Variants in DCAF1 observed in about 807,000 individuals in gnomAD.
The protein encoded by DCAF1 is DDB1 and CUL4 associated factor 1, also known as DDB1- and CUL4-associated factor 1.
Under a neutral mutation model 128.0 loss-of-function variants are expected in DCAF1, and 15 were observed. That is an observed-to-expected ratio of 0.12 (90% CI 0.08 to 0.18). The LOEUF (loss-of-function observed/expected upper bound fraction) is 0.18. DCAF1 is among the 10% of genes least tolerant of loss of function. DCAF1 has a pLI of 1.00. For missense variants in DCAF1, 988 were observed against 1,649.5 expected, an observed-to-expected ratio of 0.60 and a Z score of 6.95; for synonymous variants, 610 against 603.0, an observed-to-expected ratio of 1.01 and a Z score of -0.17.
chr3:51,421,711 A>G (rs1194731016), intron 14 of DCAF1, among the ~76,000 whole-genome samples: 1 of 152,150 alleles, frequency 6.6e-6, no homozygotes, highest in Non-Finnish European at 1.5e-5. Flanking sequence ...ATCTTGTCCC[A>G]TCACACGACT....
chr3:51,421,609 C>G (rs1553632498), intron 14 of DCAF1, among the ~76,000 whole-genome samples: 1 of 152,038 alleles, frequency 6.6e-6, no homozygotes, highest in Non-Finnish European at 1.5e-5. Flanking sequence ...GGAGAAAGCC[C>G]TCGGTTGGGC....
chr3:51,398,766 T>C lies in DCAF1; in HGVS notation c.*3A>G, dbSNP rs1216331255. The C allele has an allele frequency of 6.3e-7, 1 of 1,588,214 alleles. No individual in the cohort carries two copies. Among genetic ancestry groups the C allele is most frequent in the Non-Finnish European group, 8.6e-7 (1 of 1,166,712 alleles). ...AGAATCTCTTCCAAGCAGTGATGGC[T>C]CCTCACTCATTCAGAGATAAGATGA... On this transcript the variant is annotated 3_prime_UTR_variant, in exon 25 of 25. Transcript: ENST00000684031.
At chr3:51,487,830 C>T (rs892296432) in intron 2 of DCAF1, among the ~76,000 whole-genome samples, 1 of 151,684 alleles carries the variant, frequency 6.6e-6, no homozygotes, top group Non-Finnish European at 1.5e-5. Context: ...GACAAACCAC[C>T]ACGCCCAGCC....
chr3:51,456,011 CA>C (rs1702863001), intron 6 of DCAF1, among the ~76,000 whole-genome samples: 1 of 152,200 alleles, frequency 6.6e-6, no homozygotes, highest in Admixed American at 6.5e-5. Flanking sequence ...TCTGCATTTC[CA>C]ACTGAGCTAC....
At chr3:51,456,758 T>C (rs1553642949) in intron 6 of DCAF1, among the ~76,000 whole-genome samples, 1 of 152,146 alleles carries the variant, frequency 6.6e-6, no homozygotes, top group African/African-American at 2.4e-5. Flanking sequence ...GGTTCACCAA[T>C]ATCCGCTATT....
At chr3:51,492,854 C>T (rs1157376077) in intron 2 of DCAF1, among the ~76,000 whole-genome samples, 1 of 151,532 alleles carries the variant, frequency 6.6e-6, no homozygotes, top group Admixed American at 6.6e-5. Context: ...ATTAGCTGGG[C>T]GTGGTGGCAG....
At position 51,447,204 on chromosome 3, in the gene DCAF1, C is replaced by T. The variant is rs1189288970; in HGVS notation, c.376-3301G>A. Reference sequence around the variant, plus strand: ...GGTGGATCACTTGAGGTCAGGAGTTCGAGACCAGCCTCCTGGCCAACATGG... The same window carrying T: ...GGTGGATCACTTGAGGTCAGGAGTTTGAGACCAGCCTCCTGGCCAACATGG... On this transcript the variant is annotated intron_variant, in intron 6 of 24. Coordinates refer to ENST00000684031, the MANE Select transcript of DCAF1 (RefSeq NM_001387579.1). 2.6e-5 allele frequency among the ~76,000 whole-genome samples: 4 copies of T among 151,630 alleles called. 1 individual carries two copies. Among genetic ancestry groups the T allele is most frequent in the East Asian group, 2.0e-4 (1 of 5,120 alleles).
rs150164231 is a variant in DCAF1, at chr3:51,413,987, G to T, written c.3894C>A (p.Arg1298=). 8 of 1,603,084 alleles carry T rather than the reference G, an allele frequency of 5.0e-6. No homozygotes were observed. In the South Asian group the frequency reaches 9.1e-5, roughly 18 times the overall value. ...LHTVPALDQC[R]VVFNHTGTVM... ...CTGTTCCCGTGTGATTGAACACCAC[G>T]CGACACTGATCCAGAGCGGGAACAG... Residue 1298 remains arginine (R), a synonymous_variant, in exon 20 of 25, where the codon CGC becomes CGA. Transcript: ENST00000684031.
chr3:51,463,424 C>T (rs1248245876), intron 5 of DCAF1, among the ~76,000 whole-genome samples, 197 bp from the exon 6 acceptor site: 1 of 151,970 alleles, frequency 6.6e-6, no homozygotes, highest in East Asian at 1.9e-4. Context: ...ATGGTGATAC[C>T]ACACATAATT....
chr3:51,450,954 C>CA (rs1173678243), intron 6 of DCAF1, among the ~76,000 whole-genome samples: 2 of 146,126 alleles, frequency 1.4e-5, no homozygotes, highest in African/African-American at 2.5e-5. Context: ...ACTCCATACA[C>CA]AAAAAAACCT....
At chr3:51,469,759 G>A (rs1293662777) in intron 4 of DCAF1, among the ~76,000 whole-genome samples, 1 of 152,062 alleles carries the variant, frequency 6.6e-6, no homozygotes, top group Non-Finnish European at 1.5e-5. Context: ...AGTGGCTCAC[G>A]CCTGTAATCC....
intron 23 of DCAF1, among the ~76,000 whole-genome samples, chr3:51,408,673 A>C (rs1698123759): frequency 6.6e-6 from 1 of 152,234 alleles, no homozygotes; most frequent in Non-Finnish European, 1.5e-5. Context: ...TTCTAGAAGG[A>C]GCATGGATCA....
chr3:51,451,971 C>A (rs552213699), intron 6 of DCAF1, among the ~76,000 whole-genome samples: 7 of 152,100 alleles, frequency 4.6e-5, no homozygotes, highest in Non-Finnish European at 7.4e-5. Flanking sequence ...AATGTATGGA[C>A]TGGGTTTCAA....
At chr3:51,472,956 G>A (rs1704933632) in intron 3 of DCAF1, among the ~76,000 whole-genome samples, 1 of 150,254 alleles carries the variant, frequency 6.7e-6, no homozygotes, top group Non-Finnish European at 1.5e-5. Context: ...GAGCCACCAC[G>A]CCCGGTTATT....
intron 13 of DCAF1, among the ~76,000 whole-genome samples, chr3:51,423,295 T>C (rs982762653): frequency 9.9e-5 from 15 of 151,490 alleles, no homozygotes; most frequent in Admixed American, 8.5e-4. Flanking sequence ...AGTTCAAGAC[T>C]AGCCTGGGCA....
intron 9 of DCAF1, among the ~76,000 whole-genome samples, chr3:51,434,245 T>A (rs1471611821): frequency 2.0e-5 from 3 of 151,942 alleles, no homozygotes; most frequent in African/African-American, 7.3e-5. Flanking sequence ...CCACAAAAAA[T>A]TTAAAAATTA....
chr3:51,416,523 G>A (rs1262207023), intron 18 of DCAF1, among the ~76,000 whole-genome samples: 3 of 152,100 alleles, frequency 2.0e-5, no homozygotes, highest in African/African-American at 7.2e-5. Flanking sequence ...TAAAGGCAGG[G>A]GTTTCATTTC....
chr3:51,489,605 G>A (rs1316894247), intron 2 of DCAF1, among the ~76,000 whole-genome samples: 1 of 152,064 alleles, frequency 6.6e-6, no homozygotes, highest in African/African-American at 2.4e-5. Context: ...TGGCCAACAT[G>A]GTGAAACCGC....
intron 14 of DCAF1, 101 bp from the exon 15 acceptor site, chr3:51,421,098 TA>T: frequency 7.5e-7 from 1 of 1,338,426 alleles, no homozygotes; most frequent in Non-Finnish European, 1.0e-6. Context: ...ACTTTTACTT[TA>T]AAAAACTATA....
Sources: gnomAD v4.1 joint callset for allele counts (sites outside exome capture counted in the v4.1 genomes callset) on GRCh38, gnomAD v4.1.1 for gene constraint, MANE v1.5 for transcripts, NCBI Gene and HGNC (gene_info 2026-07-23, HGNC 2026-07-21) for gene names.